The following RASA3 variants were observed in gnomAD, a reference collection of about 807,000 sequenced individuals.
RASA3 encodes the protein RAS p21 protein activator 3.
A neutral mutation model predicts 110.0 loss-of-function variants in RASA3; 73 were observed. The observed-to-expected ratio is 0.66, with a 90% CI of 0.55 to 0.81. RASA3 has a LOEUF of 0.81. Among genes scored for constraint, RASA3 ranks in the 30% least tolerant of loss-of-function variants. RASA3 has a pLI of 0.00. For synonymous variants in RASA3, 500 were observed against 451.4 expected (o/e 1.11, Z -1.37); for missense variants, 976 against 1,113.2 (o/e 0.88, Z 1.75).
At chr13:114,024,560 G>A (rs1207765997) in intron 7 of RASA3, among the ~76,000 whole-genome samples, 2 of 152,244 alleles carry the variant, frequency 1.3e-5, no homozygotes, top group African/African-American at 4.8e-5. Flanking sequence ...CCCCTGGAGG[G>A]GCAGACCCAG....
rs1286849286 is a variant in RASA3, at chr13:113,979,434, G to A, written c.2430-12C>T. On this transcript the variant is annotated splice_polypyrimidine_tract_variant and intron_variant, in intron 23 of 23. Coordinates refer to ENST00000334062, the MANE Select transcript of RASA3 (RefSeq NM_007368.4). ...CGATGGGGTGCTCCCTGAAAAGGGGGATGGGAGAGGGAATGAGGCACAGAC... is the reference window on the plus strand; with the variant it reads ...CGATGGGGTGCTCCCTGAAAAGGGGAATGGGAGAGGGAATGAGGCACAGAC... The A allele has an allele frequency of 1.9e-6, 3 of 1,577,584 alleles. No homozygotes were observed. The highest frequency in any genetic ancestry group is 2.2e-5 in the East Asian group (1 of 44,690).
Position 114,014,236 on chromosome 13 carries a change from C to T in RASA3, c.1405+973G>A, listed in dbSNP as rs1343002862. On this transcript the variant is annotated intron_variant, in intron 14 of 23. Coordinates refer to ENST00000334062, the MANE Select transcript of RASA3 (RefSeq NM_007368.4). The surrounding 1 kb of genome is among the most constrained non-coding windows in gnomAD (Gnocchi z 4.5). ...GCAGCCCCTTTGGTGTCTCATTCCA[C>T]AGTGGTCTGTGCTCATCTGGGTGAG... 6.6e-6 allele frequency among the ~76,000 whole-genome samples: 1 copy of T among 152,212 alleles called. No individual in the cohort carries two copies. Among genetic ancestry groups the T allele is most frequent in the Non-Finnish European group, 1.5e-5 (1 of 68,036 alleles).
At chr13:114,032,086 G>A (rs745511278) in intron 4 of RASA3, among the ~76,000 whole-genome samples, 2 of 152,162 alleles carry the variant, frequency 1.3e-5, no homozygotes, top group African/African-American at 2.4e-5. Context: ...TTAGTCAGGA[G>A]ATATTTATTC....
chr13:114,110,626 C>T (rs1341470775), intron 1 of RASA3, among the ~76,000 whole-genome samples: 2 of 152,212 alleles, frequency 1.3e-5, no homozygotes, highest in Non-Finnish European at 2.9e-5. Flanking sequence ...GCCCCGTTTC[C>T]TCATCAGCAA....
At chr13:114,083,456 A>G (rs1594439505) in intron 1 of RASA3, among the ~76,000 whole-genome samples, 4 of 152,392 alleles carry the variant, frequency 2.6e-5, no homozygotes, top group Middle Eastern at 3.4e-3. Context: ...AGAAGCACCC[A>G]GCCAGACAGC....
intron 1 of RASA3, among the ~76,000 whole-genome samples, chr13:114,090,017 G>T (rs776032299): frequency 1.3e-5 from 2 of 152,220 alleles, no homozygotes; most frequent in Non-Finnish European, 1.5e-5. Context: ...TCATGTCACG[G>T]ATGGAACGCA....
At chr13:114,111,113 CTG>C (rs2080213873) in intron 1 of RASA3, among the ~76,000 whole-genome samples, 1 of 67,492 alleles carries the variant, frequency 1.5e-5, no homozygotes, top group Non-Finnish European at 3.0e-5. Flanking sequence ...CCACAAAGAG[CTG>C]CAGGCCGAGT....
At chr13:114,108,242 CAT>C (rs74218188) in intron 1 of RASA3, among the ~76,000 whole-genome samples, 71,173 of 134,444 alleles carry the variant, frequency 0.53, 19,265 homozygotes, top group East Asian at 0.74. Flanking sequence ...TCTGTCACCC[CAT>C]GTCTGTCACC....
chr13:114,011,121 G>C lies in RASA3; in HGVS notation c.1590+50C>G, dbSNP rs1158862698. 5 of 1,488,010 alleles carry C rather than the reference G, an allele frequency of 3.4e-6. No individual in the cohort carries two copies. Among genetic ancestry groups the C allele is most frequent in the Middle Eastern group, 1.7e-4 (1 of 5,812 alleles). The allele number at this position is 1,488,010 out of a possible 1,614,324, so 92.2% of individuals were successfully genotyped here. On this transcript the variant is annotated intron_variant, in intron 16 of 23. Coordinates refer to ENST00000334062, the MANE Select transcript of RASA3 (RefSeq NM_007368.4). The surrounding 1 kb of genome is among the most constrained non-coding windows in gnomAD (Gnocchi z 4.8). ...TTTTCACGTGTATTTTCTGAAGAGA[G>C]AAAAGAATCAGTTGTCCCTAAAAAG... is the stretch of plus-strand genomic sequence containing the variant.
intron 1 of RASA3, among the ~76,000 whole-genome samples, chr13:114,117,194 A>T (rs543063219): frequency 1.0e-4 from 5 of 50,088 alleles, no homozygotes; most frequent in African/African-American, 1.5e-4. Context: ...GTGTGAGGAG[A>T]GCACGTGTGT....
rs566309180 is a variant in RASA3, at chr13:113,998,707, G to T, written c.1932+878C>A. On this transcript the variant is annotated intron_variant, in intron 20 of 23. Coordinates refer to ENST00000334062, the MANE Select transcript of RASA3 (RefSeq NM_007368.4). ...ATGCATCATCAGAACCTGCCACGTCGGCACATCCGACAAACCCACAGGGAG... is the reference window on the plus strand; with the variant it reads ...ATGCATCATCAGAACCTGCCACGTCTGCACATCCGACAAACCCACAGGGAG... 2.0e-5 allele frequency among the ~76,000 whole-genome samples: 3 copies of T among 152,238 alleles called. 1 individual carries two copies. Among genetic ancestry groups the T allele is most frequent in the Non-Finnish European group, 2.9e-5 (2 of 68,040 alleles).
Position 114,065,143 on chromosome 13 carries a change from C to G in RASA3, c.173+8577G>C, listed in dbSNP as rs753516765. Among the ~76,000 whole-genome samples, 49 of 152,244 alleles carry G rather than the reference C, an allele frequency of 3.2e-4. No homozygotes were observed. The highest frequency in any genetic ancestry group is 1.2e-3 in the Admixed American group (18 of 15,292). On this transcript the variant is annotated intron_variant, in intron 2 of 23. Coordinates refer to ENST00000334062, the MANE Select transcript of RASA3 (RefSeq NM_007368.4). This position sits in a 1 kb window ranked among gnomAD's most constrained non-coding sequence, Gnocchi z 4.1. ...AACCATCTGAACTGAATTCCTCCTC[C>G]TCCTGGAGCCTGGAGCAGGGGCTCA...
intron 3 of RASA3, among the ~76,000 whole-genome samples, chr13:114,046,575 A>G (rs1048407852): frequency 6.6e-6 from 1 of 152,222 alleles, no homozygotes; most frequent in African/African-American, 2.4e-5. Flanking sequence ...GGTTGTTCCT[A>G]TGGAAAGGGG....
rs145108557 is a variant in RASA3, at chr13:114,019,097, G to A, written c.786-178C>T. The stretch of plus-strand genomic sequence containing the variant: ...AAGACCCCCAGCAGGGCTGGTCACC[G>A]GGGATCCCCAGGAGGCAAGTGTTGG... On this transcript the variant is annotated intron_variant, in intron 9 of 23. Coordinates refer to ENST00000334062, the MANE Select transcript of RASA3 (RefSeq NM_007368.4). Among the ~76,000 whole-genome samples, 1,241 of 152,206 alleles carry A rather than the reference G, an allele frequency of 8.2e-3. 22 individuals carry two copies. Among genetic ancestry groups the A allele is most frequent in the African/African-American group, 0.028 (1,164 of 41,538 alleles).
intron 20 of RASA3, among the ~76,000 whole-genome samples, chr13:113,997,891 C>G (rs1272274261): frequency 6.6e-6 from 1 of 152,156 alleles, no homozygotes; most frequent in African/African-American, 2.4e-5. Flanking sequence ...GCCTTGCACC[C>G]GGCACATGTG....
intron 19 of RASA3, 74 bp downstream of exon 19, chr13:114,000,752 C>T: frequency 8.8e-7 from 1 of 1,139,594 alleles, no homozygotes; most frequent in South Asian, 1.2e-5. Flanking sequence ...CAGCTCTCCC[C>T]CTGAAAAAGC....
chr13:114,003,825 G>A (rs934920660), intron 18 of RASA3, among the ~76,000 whole-genome samples: 2 of 152,102 alleles, frequency 1.3e-5, no homozygotes, highest in Non-Finnish European at 2.9e-5. Flanking sequence ...TGTGAGGTCC[G>A]GCTCCAGGCA....
chr13:114,128,595 A>T (rs1044168562), intron 1 of RASA3, among the ~76,000 whole-genome samples: 1 of 152,234 alleles, frequency 6.6e-6, no homozygotes, highest in Admixed American at 6.5e-5. Flanking sequence ...CAGGAGAGGG[A>T]TAGCTGGGGC....
intron 3 of RASA3, among the ~76,000 whole-genome samples, chr13:114,041,861 G>A (rs538801979): frequency 1.3e-5 from 2 of 152,290 alleles, no homozygotes; most frequent in Admixed American, 1.3e-4. Flanking sequence ...GCCTGAAAGT[G>A]TAGATTCCTG....
Sources: allele counts gnomAD v4.1 joint callset (sites outside exome capture counted in the v4.1 genomes callset), GRCh38; gene constraint gnomAD v4.1.1; non-coding constraint Gnocchi (gnomAD v3.1); transcripts MANE v1.5; gene names NCBI Gene and HGNC (gene_info 2026-07-23, HGNC 2026-07-21).